LY86: variants seen among roughly 807,000 people sequenced by gnomAD.
LY86 encodes MD-1, RP105-associated.
Under a neutral mutation model 17.3 loss-of-function variants are expected in LY86, and 20 were observed. The observed-to-expected ratio is 1.15, with a 90% CI of 0.81 to 1.68. LY86 has a LOEUF of 1.68. Among genes scored for constraint, LY86 ranks in the 40% most tolerant of loss-of-function variants. The pLI is 0.00. For synonymous variants in LY86, 74 were observed against 70.6 expected (o/e 1.05, Z -0.24); for missense variants, 200 against 191.9 (o/e 1.04, Z -0.25).
intron 1 of LY86, among the ~76,000 whole-genome samples, chr6:6,614,278 G>A (rs184969667): frequency 6.6e-6 from 1 of 152,080 alleles, no homozygotes; most frequent in African/African-American, 2.4e-5. Context: ...AACACAGACC[G>A]CAAAGGGAGG....
intron 1 of LY86, among the ~76,000 whole-genome samples, chr6:6,614,100 T>A (rs960723765): frequency 8.5e-5 from 13 of 152,062 alleles, no homozygotes; most frequent in Non-Finnish European, 1.8e-4. Flanking sequence ...CAGAAGAAAA[T>A]CAGTGTTTAG....
chr6:6,608,745 C>T (rs542600940), intron 1 of LY86, among the ~76,000 whole-genome samples: 6 of 152,316 alleles, frequency 3.9e-5, no homozygotes, highest in African/African-American at 1.2e-4. Flanking sequence ...AAGGGCATAG[C>T]GTTGAGCCAG....
intron 1 of LY86, among the ~76,000 whole-genome samples, chr6:6,598,289 A>G (rs1307507795): frequency 2.0e-5 from 3 of 152,090 alleles, no homozygotes; most frequent in East Asian, 3.8e-4. Flanking sequence ...AAATTATTCA[A>G]CTCATTTTTT....
intron 1 of LY86, among the ~76,000 whole-genome samples, chr6:6,590,513 G>C (rs1760492147): frequency 6.6e-6 from 1 of 152,028 alleles, no homozygotes; most frequent in Non-Finnish European, 1.5e-5. Context: ...CTTGGATAAG[G>C]GGGCTGTACT....
At chr6:6,651,558 A>G (rs1413287298) in intron 4 of LY86, among the ~76,000 whole-genome samples, 2 of 152,000 alleles carry the variant, frequency 1.3e-5, no homozygotes, top group African/African-American at 4.8e-5. Context: ...AGAGAGTTCC[A>G]TTTTTCTTTA....
chr6:6,601,488 C>T (rs1450884596), intron 1 of LY86, among the ~76,000 whole-genome samples: 1 of 152,064 alleles, frequency 6.6e-6, no homozygotes, highest in Non-Finnish European at 1.5e-5. Flanking sequence ...TTTGGGAGGC[C>T]GAGGCAGGCA....
chr6:6,605,590 A>C (rs544538775), intron 1 of LY86, among the ~76,000 whole-genome samples: 2 of 152,212 alleles, frequency 1.3e-5, no homozygotes, highest in Non-Finnish European at 2.9e-5. Flanking sequence ...GACAGCTGTC[A>C]TAGTCTCATG....
chr6:6,634,563 G>T (rs751063030), intron 3 of LY86, among the ~76,000 whole-genome samples: 3 of 152,206 alleles, frequency 2.0e-5, no homozygotes, highest in Non-Finnish European at 2.9e-5. Flanking sequence ...ACCACGGTGG[G>T]TGCTTGTGGT....
At chr6:6,615,146 A>C (rs1253717118) in intron 1 of LY86, among the ~76,000 whole-genome samples, 1 of 152,202 alleles carries the variant, frequency 6.6e-6, no homozygotes, top group Non-Finnish European at 1.5e-5. Flanking sequence ...TGTGGCTTTT[A>C]ACATTGGGTT....
At chr6:6,646,994 A>C (rs1762116557) in intron 3 of LY86, among the ~76,000 whole-genome samples, 1 of 152,178 alleles carries the variant, frequency 6.6e-6, no homozygotes, top group Non-Finnish European at 1.5e-5. Context: ...CTGTCCATGA[A>C]TATTGTATTC....
intron 1 of LY86, among the ~76,000 whole-genome samples, chr6:6,612,540 A>G (rs6936613): frequency 0.33 from 50,443 of 151,898 alleles, 8,987 homozygotes; most frequent in East Asian, 0.5. Context: ...AACCACACAA[A>G]AGCAACGAAA....
chr6:6,611,967 G>C (rs973941008), intron 1 of LY86, among the ~76,000 whole-genome samples: 1 of 134,812 alleles, frequency 7.4e-6, no homozygotes, highest in Non-Finnish European at 1.6e-5. Flanking sequence ...CAATCTACTT[G>C]AAAGGATATC....
At chr6:6,649,491 AAACATT>A in intron 3 of LY86, 128 bp from the exon 4 acceptor site, 1 of 471,354 alleles carries the variant, frequency 2.1e-6, no homozygotes, top group Admixed American at 4.1e-5. Context: ...CAGGAAATGA[AAACATT>A]TCTAGCAATA....
At chr6:6,648,661 T>C (rs1293389837) in intron 3 of LY86, among the ~76,000 whole-genome samples, 1 of 151,988 alleles carries the variant, frequency 6.6e-6, no homozygotes, top group Non-Finnish European at 1.5e-5. Flanking sequence ...ATTCATGGAG[T>C]GCTTCCCAGG....
At chr6:6,642,894 G>A (rs1762059959) in intron 3 of LY86, among the ~76,000 whole-genome samples, 1 of 152,196 alleles carries the variant, frequency 6.6e-6, no homozygotes, top group South Asian at 2.1e-4. Flanking sequence ...GATGCTCTTG[G>A]TTGGTCTGGA....
At chr6:6,621,738 A>T (rs925161235) in intron 1 of LY86, among the ~76,000 whole-genome samples, 1 of 152,232 alleles carries the variant, frequency 6.6e-6, no homozygotes, top group African/African-American at 2.4e-5. Context: ...CGGCAAATTT[A>T]CTACAAATAA....
intron 1 of LY86, among the ~76,000 whole-genome samples, chr6:6,599,480 G>A (rs532007125): frequency 1.3e-5 from 2 of 152,330 alleles, no homozygotes; most frequent in South Asian, 4.1e-4. Flanking sequence ...CCAGTGTGGG[G>A]TGAGACACTG....
chr6:6,614,074 A>C (rs1175114069), intron 1 of LY86, among the ~76,000 whole-genome samples: 1 of 152,236 alleles, frequency 6.6e-6, no homozygotes, highest in Non-Finnish European at 1.5e-5. Flanking sequence ...GTGTTCAGGA[A>C]CACAGGCAGC....
intron 3 of LY86, among the ~76,000 whole-genome samples, chr6:6,637,761 C>T (rs1397347188): frequency 6.6e-6 from 1 of 152,108 alleles, no homozygotes; most frequent in African/African-American, 2.4e-5. Context: ...GCTTTCCAGT[C>T]GCATTACTCT....
Sources: allele counts gnomAD v4.1 joint callset (sites outside exome capture counted in the v4.1 genomes callset), GRCh38; gene constraint gnomAD v4.1.1; transcripts MANE v1.5; gene names NCBI Gene and HGNC (gene_info 2026-07-23, HGNC 2026-07-21).